The following PRP4K variants were observed in gnomAD, a reference collection of about 807,000 sequenced individuals.
PRP4K encodes the protein pre-mRNA processing factor kinase PRP4K, also known as serine/threonine-protein kinase PRP4 homolog.
the PRP4K span, chr6:4,049,404 T>C: frequency 2.2e-6 from 1 of 458,886 alleles, no homozygotes; most frequent in Non-Finnish European, 3.8e-6. Flanking sequence ...CGTCTTGATC[T>C]GAAACCAAGA....
the PRP4K span, among the ~76,000 whole-genome samples, chr6:4,046,515 A>G: frequency 1.8e-4 from 28 of 152,224 alleles, no homozygotes; most frequent in Non-Finnish European, 3.2e-4. Flanking sequence ...ATTTAGATCT[A>G]TAGTTGAAAT....
the PRP4K span, chr6:4,056,797 T>C: frequency 7.7e-7 from 1 of 1,304,884 alleles, no homozygotes; most frequent in African/African-American, 1.5e-5. Context: ...AGAGAAGAAA[T>C]ACATATTTTC....
the PRP4K span, among the ~76,000 whole-genome samples, chr6:4,022,435 A>T: frequency 2.0e-5 from 3 of 151,148 alleles, no homozygotes; most frequent in East Asian, 5.9e-4. Context: ...ATTTTACGGC[A>T]ATGTTCCTAT....
the PRP4K span, among the ~76,000 whole-genome samples, chr6:4,022,085 C>T: frequency 6.0e-5 from 9 of 150,854 alleles, no homozygotes; most frequent in African/African-American, 2.2e-4. Context: ...GAGTGCCTAC[C>T]GGCAGCTTTT....
the PRP4K span, among the ~76,000 whole-genome samples, chr6:4,039,533 G>C: frequency 6.6e-6 from 1 of 152,132 alleles, no homozygotes; most frequent in African/African-American, 2.4e-5. Context: ...CACTGAGTTG[G>C]GGAGGGGACT....
At chr6:4,038,439 C>T in the PRP4K span, among the ~76,000 whole-genome samples, 6 of 151,330 alleles carry the variant, frequency 4.0e-5, no homozygotes, top group Admixed American at 2.6e-4. Context: ...GCCCATGCCA[C>T]CATGCCCAGC....
the PRP4K span, chr6:4,056,687 A>G: frequency 6.5e-7 from 1 of 1,547,670 alleles, no homozygotes; most frequent in Admixed American, 1.7e-5. Context: ...TGATTATTCA[A>G]GGTCTGATTA....
the PRP4K span, chr6:4,021,520 G>A: frequency 6.4e-7 from 1 of 1,556,622 alleles, no homozygotes. Context: ...CTGCCGAGTG[G>A]GAGCTGCACG....
the PRP4K span, chr6:4,049,519 A>G: frequency 7.4e-6 from 4 of 538,744 alleles, no homozygotes; most frequent in East Asian, 6.0e-5. Context: ...TGATAGGACA[A>G]CAGGAACTCT....
chr6:4,044,722 A>G, the PRP4K span, among the ~76,000 whole-genome samples: 2 of 152,056 alleles, frequency 1.3e-5, no homozygotes, highest in Admixed American at 1.3e-4. Context: ...GGAACCAGCA[A>G]ACTTTTTGTC....
chr6:4,049,704 A>G, the PRP4K span: 1 of 1,585,962 alleles, frequency 6.3e-7, no homozygotes, highest in East Asian at 2.2e-5. Flanking sequence ...TATAGTCAGA[A>G]TTCTAATTTT....
chr6:4,045,817 C>G, the PRP4K span, among the ~76,000 whole-genome samples: 1 of 152,148 alleles, frequency 6.6e-6, no homozygotes, highest in African/African-American at 2.4e-5. Context: ...TTTGAAATCT[C>G]TGTATGGTAT....
chr6:4,046,778 C>A, the PRP4K span, among the ~76,000 whole-genome samples: 1 of 151,994 alleles, frequency 6.6e-6, no homozygotes, highest in Non-Finnish European at 1.5e-5. Context: ...CTTTCTCAGC[C>A]TCCCAAGTAG....
the PRP4K span, among the ~76,000 whole-genome samples, chr6:4,037,857 A>ATT: frequency 4.2e-5 from 6 of 141,890 alleles, no homozygotes; most frequent in African/African-American, 1.0e-4. Context: ...AGACTTAGGG[A>ATT]TTTTTTTTTT....
the PRP4K span, among the ~76,000 whole-genome samples, chr6:4,025,347 G>A: frequency 6.6e-6 from 1 of 151,908 alleles, no homozygotes; most frequent in Non-Finnish European, 1.5e-5. Context: ...AGCTGTTTTA[G>A]CACAGGCCCA....
chr6:4,027,230 G>A, the PRP4K span, among the ~76,000 whole-genome samples: 22 of 152,282 alleles, frequency 1.4e-4, no homozygotes, highest in African/African-American at 5.3e-4. Context: ...TGTGACCTTA[G>A]GCAAGTCCCT....
the PRP4K span, among the ~76,000 whole-genome samples, chr6:4,052,517 A>T: frequency 6.6e-6 from 1 of 152,230 alleles, no homozygotes; most frequent in African/African-American, 2.4e-5. Context: ...ATTTGAATTT[A>T]TTCAGAAACT....
the PRP4K span, chr6:4,021,314 C>T: frequency 9.1e-6 from 13 of 1,422,670 alleles, no homozygotes; most frequent in Admixed American, 2.0e-5. Context: ...CCCAGCTCTT[C>T]CCTACACGGT....
the PRP4K span, among the ~76,000 whole-genome samples, chr6:4,027,082 CTTT>C: frequency 1.3e-5 from 2 of 152,124 alleles, no homozygotes; most frequent in Non-Finnish European, 2.9e-5. Context: ...AGTATAGGAC[CTTT>C]TGCTCTGAAT....
Sources: gnomAD v4.1 joint callset for allele counts (sites outside exome capture counted in the v4.1 genomes callset) on GRCh38, gnomAD v4.1.1 for gene constraint, MANE v1.5 for transcripts, NCBI Gene and HGNC (gene_info 2026-07-23, HGNC 2026-07-21) for gene names.